The following LURAP1L variants were observed in gnomAD, a reference collection of about 807,000 sequenced individuals.
LURAP1L encodes leucine rich adaptor protein 1-like.
LURAP1L carries 12 observed loss-of-function variants against 13.8 expected under a neutral mutation model. That is an observed-to-expected ratio of 0.87 (90% CI 0.56 to 1.41). The LOEUF is 1.41. Among genes scored for constraint, LURAP1L ranks in the 40% most tolerant of loss-of-function variants. LURAP1L has a pLI of 0.00. For missense variants in LURAP1L, 375 were observed against 292.9 expected (o/e 1.28, Z -2.04); for synonymous variants, 139 against 119.2 (o/e 1.17, Z -1.08).
At chr9:12,800,799 C>T (rs773165352) in intron 1 of LURAP1L, among the ~76,000 whole-genome samples, 2 of 152,126 alleles carry the variant, frequency 1.3e-5, no homozygotes, top group Non-Finnish European at 2.9e-5. Context: ...GCCTTCAGAA[C>T]CATGAGCTGA....
In LURAP1L at chr9:12,821,993, T is replaced by G. The variant is rs1819888414; in HGVS notation, c.*233T>G. 1.1e-5 allele frequency: 5 copies of G among 439,560 alleles called. No homozygotes were observed. In the East Asian group the frequency reaches 1.4e-4, roughly 13 times the overall value. 27.2% of individuals were successfully genotyped at this position (439,560 alleles called of 1,614,324 possible). The stretch of plus-strand genomic sequence containing the variant: ...TATTACAATGATTTTCTCCCTTCTT[T>G]TACAGTAGCACAAACAAAGTAGGGG... On this transcript the variant is annotated 3_prime_UTR_variant, in exon 2 of 2. Coordinates refer to ENST00000319264, the MANE Select transcript of LURAP1L (RefSeq NM_203403.2).
At chr9:12,798,750 G>T (rs966437705) in intron 1 of LURAP1L, among the ~76,000 whole-genome samples, 16 of 152,296 alleles carry the variant, frequency 1.1e-4, no homozygotes, top group Admixed American at 9.8e-4. Context: ...AATAGGAATA[G>T]AAATCAGAAA....
chr9:12,813,265 TTAAG>T (rs756821934), intron 1 of LURAP1L, among the ~76,000 whole-genome samples: 37 of 151,154 alleles, frequency 2.4e-4, no homozygotes, highest in Non-Finnish European at 5.0e-4. Context: ...AACCTACTAG[TTAAG>T]TATTTATATA....
intron 1 of LURAP1L, among the ~76,000 whole-genome samples, chr9:12,798,433 C>A (rs1396181395): frequency 6.6e-6 from 1 of 152,198 alleles, no homozygotes; most frequent in Non-Finnish European, 1.5e-5. Context: ...CATTTTAAAA[C>A]TGAAGGACAA....
At chr9:12,804,022 C>A (rs960122019) in intron 1 of LURAP1L, among the ~76,000 whole-genome samples, 1 of 152,268 alleles carries the variant, frequency 6.6e-6, no homozygotes, top group African/African-American at 2.4e-5. Context: ...TCATAGAATT[C>A]ATTGTGATTC....
chr9:12,807,094 A>AATATATAT lies in LURAP1L; in HGVS notation c.313-14275_313-14268dup, dbSNP rs71329889. On this transcript the variant is annotated intron_variant, in intron 1 of 1. Transcript: ENST00000319264. ...CACGGCGAAGCCCTGTCTCTACTAAAATATATATATATATATATATATATT... is the reference window on the plus strand; with the variant it reads ...CACGGCGAAGCCCTGTCTCTACTAAAATATATATATATATATATATATATATATATATT... Among the ~76,000 whole-genome samples the AATATATAT allele has an allele frequency of 9.0e-4, 104 of 116,166 alleles. 1 individual carries two copies. Among genetic ancestry groups the AATATATAT allele is most frequent in the East Asian group, 7.4e-3 (25 of 3,384 alleles). 76.2% of individuals were successfully genotyped at this position (116,166 alleles called of 152,430 possible). A position where few individuals can be genotyped will look rare whatever the true frequency, so the allele number is the denominator to read the frequency against.
At position 12,775,767 on chromosome 9, in the gene LURAP1L, C is replaced by A. The variant is rs759281702; in HGVS notation, c.52C>A (p.Arg18Ser). ...DLRDIELKLGRKVPESLVRSL... is the reference protein window; with the variant it reads ...DLRDIELKLGSKVPESLVRSL... ...CAGAGACATCGAGCTGAAGCTGGGG[C>A]GCAAAGTACCCGAGAGTCTAGTGCG... Residue 18 changes from arginine to serine, a missense_variant, in exon 1 of 2, where the codon CGC (arginine) becomes AGC (serine). By Grantham distance (110) the Arg-to-Ser change is moderately radical (BLOSUM62 -1). Transcript: ENST00000319264. 6.2e-7 allele frequency: 1 copy of A among 1,607,210 alleles called. No individual in the cohort carries two copies. Among genetic ancestry groups the A allele is most frequent in the Non-Finnish European group, 8.5e-7 (1 of 1,177,844 alleles).
intron 1 of LURAP1L, among the ~76,000 whole-genome samples, chr9:12,809,381 G>A (rs571654965): frequency 3.4e-4 from 52 of 152,058 alleles, no homozygotes; most frequent in African/African-American, 7.5e-4. Flanking sequence ...TAAGCTCACT[G>A]ATTCTTTCCT....
intron 1 of LURAP1L, among the ~76,000 whole-genome samples, chr9:12,785,024 C>G (rs761872657): frequency 1.3e-5 from 2 of 151,822 alleles, no homozygotes; most frequent in Non-Finnish European, 2.9e-5. Context: ...CAAGTACTGC[C>G]TGGCTACCAC....
At chr9:12,786,975 AGTT>A (rs1194895320) in intron 1 of LURAP1L, among the ~76,000 whole-genome samples, 1 of 152,088 alleles carries the variant, frequency 6.6e-6, no homozygotes, top group East Asian at 1.9e-4. Flanking sequence ...AGCAGAATAA[AGTT>A]GTTATGTTTA....
At chr9:12,776,438 T>A (rs778570969) in intron 1 of LURAP1L, among the ~76,000 whole-genome samples, 1 of 152,136 alleles carries the variant, frequency 6.6e-6, no homozygotes, top group African/African-American at 2.4e-5. Flanking sequence ...CTCAGTCCAA[T>A]GCACTTACTG....
intron 1 of LURAP1L, among the ~76,000 whole-genome samples, chr9:12,778,282 G>T (rs544711022): frequency 6.6e-6 from 1 of 152,076 alleles, no homozygotes; most frequent in African/African-American, 2.4e-5. Context: ...CGGCAAAAAG[G>T]CTTGTCCCGC....
chr9:12,805,226 C>T (rs1248582676), intron 1 of LURAP1L, among the ~76,000 whole-genome samples: 1 of 151,984 alleles, frequency 6.6e-6, no homozygotes, highest in Non-Finnish European at 1.5e-5. Context: ...TATTAGAGAT[C>T]AGTTTCTTTA....
chr9:12,788,600 T>C (rs1051477526), intron 1 of LURAP1L, among the ~76,000 whole-genome samples: 1 of 152,056 alleles, frequency 6.6e-6, no homozygotes, highest in African/African-American at 2.4e-5. Flanking sequence ...TATGTGAATA[T>C]GATAGAAATT....
rs1440408008 is a variant in LURAP1L at position 12,822,995 on chromosome 9, A to C, written c.*1235A>C. Among the ~76,000 whole-genome samples, 2 of 152,198 alleles carry C rather than the reference A, an allele frequency of 1.3e-5. No homozygotes were observed. Among genetic ancestry groups the C allele is most frequent in the Non-Finnish European group, 2.9e-5 (2 of 68,032 alleles). ...TATTATATATTTACTACACATGTTG[A>C]ATTTATTATTGTTTATTTCCAAGGC... On this transcript the variant is annotated 3_prime_UTR_variant, in exon 2 of 2. Coordinates refer to ENST00000319264, the MANE Select transcript of LURAP1L (RefSeq NM_203403.2).
chr9:12,780,320 A>T (rs964966225), intron 1 of LURAP1L, among the ~76,000 whole-genome samples: 5 of 152,144 alleles, frequency 3.3e-5, no homozygotes, highest in African/African-American at 9.7e-5. Flanking sequence ...GGTTGAAAAC[A>T]CATCCATCTG....
At chr9:12,814,574 A>T (rs16929593) in intron 1 of LURAP1L, among the ~76,000 whole-genome samples, 2,169 of 152,290 alleles carry the variant, frequency 0.014, 50 homozygotes, top group African/African-American at 0.049. Flanking sequence ...GAAAAGCTGC[A>T]TGTATTACTT....
chr9:12,800,587 TG>T (rs1311775033), intron 1 of LURAP1L, among the ~76,000 whole-genome samples: 2 of 152,264 alleles, frequency 1.3e-5, no homozygotes, highest in African/African-American at 4.8e-5. Context: ...CTTACTCATT[TG>T]TTGAATTTAA....
chr9:12,788,905 A>AT (rs1281109127), intron 1 of LURAP1L, among the ~76,000 whole-genome samples: 3 of 150,394 alleles, frequency 2.0e-5, no homozygotes, highest in African/African-American at 7.3e-5. Context: ...CTATATATAT[A>AT]TATATATTTT....
Sources: allele counts gnomAD v4.1 joint callset (sites outside exome capture counted in the v4.1 genomes callset), GRCh38; gene constraint gnomAD v4.1.1; transcripts MANE v1.5; gene names NCBI Gene and HGNC (gene_info 2026-07-23, HGNC 2026-07-21).